TCF7L1: variants seen among roughly 807,000 people sequenced by gnomAD.
TCF7L1 encodes transcription factor 7-like 1.
Under a neutral mutation model 63.7 loss-of-function variants are expected in TCF7L1, and 18 were observed. The ratio of observed to expected loss-of-function variants is 0.28; its 90% CI spans 0.20 to 0.42. TCF7L1 has a LOEUF of 0.42. Among genes scored for constraint, TCF7L1 ranks in the 10% least tolerant of loss-of-function variants. The pLI, the probability that TCF7L1 is intolerant of heterozygous loss-of-function variation, is 1.00. For missense variants in TCF7L1, 654 were observed against 779.3 expected, an observed-to-expected ratio of 0.84 and a Z score of 1.91; for synonymous variants, 355 against 340.9, an observed-to-expected ratio of 1.04 and a Z score of -0.46.
intron 3 of TCF7L1, among the ~76,000 whole-genome samples, chr2:85,275,791 A>G (rs1452357395): frequency 6.6e-6 from 1 of 151,982 alleles, no homozygotes; most frequent in African/African-American, 2.4e-5. Context: ...ATGGTGGCAC[A>G]TGCCTGTGGT....
chr2:85,220,872 G>A (rs1679826091), intron 3 of TCF7L1, among the ~76,000 whole-genome samples: 1 of 152,160 alleles, frequency 6.6e-6, no homozygotes, highest in South Asian at 2.1e-4. Flanking sequence ...CAATAGCACT[G>A]ACCAGCTCCA....
At chr2:85,172,467 C>T (rs1254072928) in intron 3 of TCF7L1, among the ~76,000 whole-genome samples, 1 of 152,206 alleles carries the variant, frequency 6.6e-6, no homozygotes, top group East Asian at 1.9e-4. Flanking sequence ...CGCTCTGTCG[C>T]CCAGGCTGGA....
intron 3 of TCF7L1, among the ~76,000 whole-genome samples, chr2:85,247,284 C>T (rs1046866854): frequency 6.6e-6 from 1 of 152,244 alleles, no homozygotes; most frequent in Non-Finnish European, 1.5e-5. Flanking sequence ...AACACATTCA[C>T]TCATATGCAT....
At chr2:85,298,968 A>G (rs1681898348) in intron 4 of TCF7L1, among the ~76,000 whole-genome samples, 1 of 152,040 alleles carries the variant, frequency 6.6e-6, no homozygotes, top group South Asian at 2.1e-4. Context: ...CCTAGTGGGA[A>G]ACGGTAAGAA....
intron 3 of TCF7L1, among the ~76,000 whole-genome samples, chr2:85,146,497 C>CTTTTTTTTTTTTTTTT (rs554058692): frequency 9.7e-6 from 1 of 103,606 alleles, no homozygotes; most frequent in African/African-American, 3.8e-5. Context: ...TTCTTTCTTT[C>CTTTTTTTTTTTTTTTT]TTTTTTTTTT....
chr2:85,239,802 G>T (rs62165589), intron 3 of TCF7L1, among the ~76,000 whole-genome samples: 1 of 151,586 alleles, frequency 6.6e-6, no homozygotes. Context: ...AAATTTAGCC[G>T]GGCATGGTGG....
chr2:85,134,489 C>G lies in TCF7L1; in HGVS notation c.441+39C>G. ...GGGCGCGCCGGGGAGGGTGGGAGGC[C>G]GCGGCCCGCAGGATGCGCCCCCGGG... On this transcript the variant is annotated intron_variant, in intron 3 of 11. Coordinates refer to ENST00000282111, the MANE Select transcript of TCF7L1 (RefSeq NM_031283.3). The surrounding 1 kb of genome is among the most constrained non-coding windows in gnomAD (Gnocchi z 5.0). 3.9e-6 allele frequency: 6 copies of G among 1,543,284 alleles called. No individual in the cohort carries two copies. Among genetic ancestry groups the G allele is most frequent in the Non-Finnish European group, 5.2e-6 (6 of 1,143,480 alleles).
intron 3 of TCF7L1, among the ~76,000 whole-genome samples, chr2:85,153,340 A>ATATTTTTTTTTTTTTTTTTTTTTTTTT (rs750002994): frequency 6.8e-5 from 7 of 102,272 alleles, no homozygotes; most frequent in African/African-American, 2.9e-4. Context: ...GCCTTTATAA[A>ATATTTTTTTTTTTTTTTTTTTTTTTTT]TTTTTTTTTT....
rs72840133 is a variant in TCF7L1 at position 85,200,162 on chromosome 2, T to C, written c.441+65712T>C. Among the ~76,000 whole-genome samples the C allele has an allele frequency of 6.7e-3, 1,016 of 152,316 alleles. 7 individuals carry two copies. Among genetic ancestry groups the C allele is most frequent in the Non-Finnish European group, 0.012 (813 of 68,026 alleles). ...TTGTCGATTCATCCATTGGTGGACG[T>C]TGGGGTTGTTTCCACTTTTTGGCTA... On this transcript the variant is annotated intron_variant, in intron 3 of 11. Transcript: ENST00000282111.
intron 4 of TCF7L1, among the ~76,000 whole-genome samples, chr2:85,285,362 C>A (rs1681521376): frequency 6.6e-6 from 1 of 152,170 alleles, no homozygotes; most frequent in Admixed American, 6.5e-5. Flanking sequence ...ATCAGGAGAC[C>A]TGCTCCTGTG....
intron 3 of TCF7L1, among the ~76,000 whole-genome samples, chr2:85,149,303 ATATATG>A (rs1299871444): frequency 7.4e-6 from 1 of 135,748 alleles, no homozygotes; most frequent in Admixed American, 7.5e-5. Flanking sequence ...GTATATGTGT[ATATATG>A]TATATACACA....
chr2:85,170,733 G>A (rs769740118), intron 3 of TCF7L1, among the ~76,000 whole-genome samples: 9 of 152,172 alleles, frequency 5.9e-5, no homozygotes, highest in Non-Finnish European at 1.3e-4. Context: ...CACTCAGAGT[G>A]GAGTTTTGAA....
At position 85,276,289 on chromosome 2, in the gene TCF7L1, T is replaced by C. The variant is rs115888947; in HGVS notation, c.442-7206T>C. Among the ~76,000 whole-genome samples the C allele has an allele frequency of 8.6e-3, 1,311 of 152,304 alleles. 14 individuals carry two copies. Among genetic ancestry groups the C allele is most frequent in the African/African-American group, 0.03 (1,252 of 41,564 alleles). On this transcript the variant is annotated intron_variant, in intron 3 of 11. Transcript: ENST00000282111. ...CTTTAGTACAGAAGATAGAAACAGGTCTCCAAGAACTGGCCAAGTTGGGCA... is the reference window on the plus strand; with the variant it reads ...CTTTAGTACAGAAGATAGAAACAGGCCTCCAAGAACTGGCCAAGTTGGGCA...
rs529383810 is a variant in TCF7L1, at chr2:85,229,036, A to G, written c.442-54459A>G. Among the ~76,000 whole-genome samples the G allele has an allele frequency of 3.2e-4, 46 of 142,564 alleles. No individual in the cohort carries two copies. In the East Asian group the frequency reaches 3.6e-3, roughly 11 times the overall value. The allele number at this position is 142,564 out of a possible 152,430, so 93.5% of individuals were successfully genotyped here. On this transcript the variant is annotated intron_variant, in intron 3 of 11. Transcript: ENST00000282111. ...ACTCTGTCTCAAAAAAAAAAAAAAA[A>G]AAAGAAAGGAAAAGAAATTAGAACC...
intron 3 of TCF7L1, among the ~76,000 whole-genome samples, chr2:85,189,875 C>T (rs1679007464): frequency 6.6e-6 from 1 of 152,168 alleles, no homozygotes; most frequent in South Asian, 2.1e-4. Flanking sequence ...TTTGGAGAAG[C>T]CCAGGGCCCG....
chr2:85,299,902 C>CACACACACACACACACACAT (rs1293532925), intron 4 of TCF7L1, among the ~76,000 whole-genome samples: 2 of 150,322 alleles, frequency 1.3e-5, no homozygotes, highest in African/African-American at 5.0e-5. Context: ...CACACACACA[C>CACACACACACACACACACAT]ACTGATGCCC....
Position 85,306,491 on chromosome 2 carries a change from G to A in TCF7L1, c.1189G>A (p.Glu397Lys). 1 of 1,614,120 alleles carries A rather than the reference G, an allele frequency of 6.2e-7. No individual in the cohort carries two copies. Among genetic ancestry groups the A allele is most frequent in the Non-Finnish European group, 8.5e-7 (1 of 1,180,030 alleles). Residue 397 changes from glutamate (E) to lysine (K), a missense_variant, in exon 10 of 12, where the codon GAG (glutamate) becomes AAG (lysine). Physicochemically the swap from Glu to Lys is moderately conservative, Grantham distance 56 (BLOSUM62 1). Coordinates refer to ENST00000282111, the MANE Select transcript of TCF7L1 (RefSeq NM_031283.3). This position sits in a 1 kb window ranked among gnomAD's most constrained non-coding sequence, Gnocchi z 4.3. ...TCGAGAAGAACAGGCCAAGTACTAC[G>A]AGCTGGCCCGGAAGGAGCGGCAGCT... Reference protein sequence around the residue: ...LSREEQAKYYELARKERQLHS... With the variant: ...LSREEQAKYYKLARKERQLHS...
Position 85,283,477 on chromosome 2 carries a change from T to G in TCF7L1, c.442-18T>G, listed in dbSNP as rs779464787. 6.8e-6 allele frequency: 11 copies of G among 1,613,982 alleles called. No individual in the cohort carries two copies. The highest frequency in any genetic ancestry group is 4.2e-6 in the Non-Finnish European group (5 of 1,179,906). Reference sequence around the variant, plus strand: ...CCTCATCTCACCAACAGCTTTTTCTTTTCTGTTCCCTGTGCAGTACCTGCA... The same window carrying G: ...CCTCATCTCACCAACAGCTTTTTCTGTTCTGTTCCCTGTGCAGTACCTGCA... On this transcript the variant is annotated intron_variant, in intron 3 of 11. Coordinates refer to ENST00000282111, the MANE Select transcript of TCF7L1 (RefSeq NM_031283.3).
chr2:85,201,222 C>CA (rs1035151624), intron 3 of TCF7L1, among the ~76,000 whole-genome samples: 17 of 151,932 alleles, frequency 1.1e-4, no homozygotes, highest in African/African-American at 3.9e-4. Context: ...AAAACAAAAA[C>CA]AAAAAAATTA....
Sources: allele counts gnomAD v4.1 joint callset (sites outside exome capture counted in the v4.1 genomes callset), GRCh38; gene constraint gnomAD v4.1.1; non-coding constraint Gnocchi (gnomAD v3.1); transcripts MANE v1.5; gene names NCBI Gene and HGNC (gene_info 2026-07-23, HGNC 2026-07-21).